Variants in AARS1 observed in about 807,000 individuals in gnomAD.
AARS1 encodes the protein alanyl-tRNA synthetase 1, also known as alanine--tRNA ligase, cytoplasmic.
A neutral mutation model predicts 108.9 loss-of-function variants in AARS1; 72 were observed. The observed-to-expected ratio is 0.66, with a 90% CI of 0.55 to 0.80. The LOEUF is 0.80. AARS1 is among the 30% of genes least tolerant of loss of function. The probability of loss-of-function intolerance (pLI) is 0.00; values close to 1 mark genes in which losing one functional copy is unlikely to be tolerated. For synonymous variants in AARS1, 489 were observed against 465.7 expected (o/e 1.05, Z -0.64); for missense variants, 1,193 against 1,233.2 (o/e 0.97, Z 0.49).
intron 20 of AARS1, 51 bp from the exon 21 acceptor site, chr16:70,252,957 GA>G: frequency 6.3e-7 from 1 of 1,578,670 alleles, no homozygotes; most frequent in Non-Finnish European, 8.7e-7. Context: ...GGGATTGAGG[GA>G]GGAATGCAGG....
chr16:70,269,004 C>T (rs1183656304), intron 7 of AARS1, among the ~76,000 whole-genome samples: 1 of 151,710 alleles, frequency 6.6e-6, no homozygotes, highest in Admixed American at 6.6e-5. Context: ...GTCAGGAGTT[C>T]GAGACCAGCC....
intron 2 of AARS1, among the ~76,000 whole-genome samples, chr16:70,280,568 T>G (rs1960672093): frequency 6.6e-6 from 1 of 152,140 alleles, no homozygotes; most frequent in African/African-American, 2.4e-5. Flanking sequence ...AAAGAAAATG[T>G]CAACTCATCC....
chr16:70,275,809 C>G (rs954165252), intron 4 of AARS1, among the ~76,000 whole-genome samples: 3 of 151,134 alleles, frequency 2.0e-5, no homozygotes, highest in South Asian at 4.2e-4. Flanking sequence ...TGGTGGCAGG[C>G]ATCTGCAGTC....
Position 70,265,033 on chromosome 16 carries a change from G to A in AARS1, c.1417C>T (p.Leu473Phe). 24 of 1,614,176 alleles carry A rather than the reference G, an allele frequency of 1.5e-5. No homozygotes were observed. Among genetic ancestry groups the A allele is most frequent in the Non-Finnish European group, 1.9e-5 (23 of 1,180,032 alleles). ...IMLDIYAIEE[L>F]RARGLEVTDD... ...GTGACCTCCAGACCCCGTGCCCGGA[G>A]CTCTTCGATAGCGTAAATGTCCAGC... is the stretch of plus-strand genomic sequence containing the variant. Residue 473 changes from leucine (L) to phenylalanine (F), a missense_variant, in exon 11 of 21, where the codon CTC becomes TTC. By Grantham distance (22) the Leu-to-Phe change is conservative. Transcript: ENST00000261772.
At chr16:70,264,027 C>A (rs1177476281) in intron 11 of AARS1, among the ~76,000 whole-genome samples, 4 of 151,896 alleles carry the variant, frequency 2.6e-5, no homozygotes, top group Admixed American at 2.6e-4. Context: ...GCAGGCAGAT[C>A]ATGAGGTCAG....
At position 70,255,792 on chromosome 16, in the gene AARS1, G is replaced by C; in HGVS notation, c.2222C>G (p.Thr741Arg). The part of the protein sequence containing the change: ...SSHAGAFVIV[T>R]EEAIAKGIRR... The stretch of plus-strand genomic sequence containing the variant: ...GATACCCTTGGCAATGGCTTCTTCC[G>C]TCACGATCACAAAAGCTCCTGCATG... Residue 741 changes from threonine (T) to arginine (R), a missense_variant, in exon 16 of 21, where the codon ACG becomes AGG. Coordinates refer to ENST00000261772, the MANE Select transcript of AARS1 (RefSeq NM_001605.3). 2 of 1,614,150 alleles carry C rather than the reference G, an allele frequency of 1.2e-6. No homozygotes were observed. Among genetic ancestry groups the C allele is most frequent in the Non-Finnish European group, 8.5e-7 (1 of 1,180,020 alleles).
chr16:70,270,857 A>G (rs1418146343), intron 5 of AARS1, among the ~76,000 whole-genome samples: 1 of 105,326 alleles, frequency 9.5e-6, no homozygotes, highest in East Asian at 2.3e-4. Context: ...AAAAAAAAAG[A>G]AAAGAAAAAG....
chr16:70,261,860 G>A (rs1328695717), intron 12 of AARS1, among the ~76,000 whole-genome samples: 2 of 151,730 alleles, frequency 1.3e-5, no homozygotes, highest in African/African-American at 4.8e-5. Context: ...GTAGAGACAG[G>A]GTTTCACCAT....
At chr16:70,262,991 A>AAAAAAC (rs1960177290) in intron 11 of AARS1, among the ~76,000 whole-genome samples, 2 of 145,444 alleles carry the variant, frequency 1.4e-5, no homozygotes, top group African/African-American at 5.3e-5. Flanking sequence ...AAAAAAAAAA[A>AAAAAAC]AAAAAAACAA....
intron 9 of AARS1, among the ~76,000 whole-genome samples, 175 bp downstream of exon 9, chr16:70,267,484 T>A (rs1960289802): frequency 6.6e-6 from 1 of 152,234 alleles, no homozygotes. Flanking sequence ...TTGGCCACAA[T>A]GATGCATTAC....
chr16:70,262,513 T>C lies in AARS1; in HGVS notation c.1504A>G (p.Thr502Ala), dbSNP rs758003106. ...DSSGSYVFEN[T>A]VATVMALRRE... ...CGCAGAGCCATCACCGTAGCCACTG[T>C]GTTCTCAAATACTGCTCAAGGGAAA... The change falls in exon 12 of 21, where the codon ACA becomes GCA. Residue 502 changes from threonine to alanine, a missense_variant. Coordinates refer to ENST00000261772, the MANE Select transcript of AARS1 (RefSeq NM_001605.3). 5 of 1,612,840 alleles carry C rather than the reference T, an allele frequency of 3.1e-6. No homozygotes were observed. The highest frequency in any genetic ancestry group is 4.2e-6 in the Non-Finnish European group (5 of 1,179,034).
chr16:70,272,061 T>C, intron 4 of AARS1, 89 bp from the exon 5 acceptor site: 2 of 1,290,006 alleles, frequency 1.6e-6, no homozygotes, highest in South Asian at 1.2e-5. Flanking sequence ...ATTCTTAGGA[T>C]TGGCCGGGCA....
chr16:70,281,305 T>C (rs1254147591), intron 2 of AARS1, among the ~76,000 whole-genome samples: 1 of 152,082 alleles, frequency 6.6e-6, no homozygotes, highest in East Asian at 1.9e-4. Context: ...GGCAGGAGGA[T>C]TACTTGAGGC....
chr16:70,278,329 G>A (rs1240890594), intron 2 of AARS1, among the ~76,000 whole-genome samples: 3 of 151,956 alleles, frequency 2.0e-5, no homozygotes, highest in Non-Finnish European at 4.4e-5. Flanking sequence ...ACTTCAGGAG[G>A]CTGAGGTGGG....
intron 4 of AARS1, among the ~76,000 whole-genome samples, chr16:70,275,073 A>G (rs1418897402): frequency 2.0e-5 from 3 of 151,132 alleles, no homozygotes; most frequent in Non-Finnish European, 4.4e-5. Flanking sequence ...TAGCCTGGCT[A>G]ACATGGTGAA....
intron 13 of AARS1, 52 bp downstream of exon 13, chr16:70,260,992 G>A: frequency 1.4e-6 from 2 of 1,391,080 alleles, no homozygotes; most frequent in African/African-American, 1.4e-5. Context: ...AAAGCCAGAG[G>A]AGAAGATAAT....
At chr16:70,259,259 C>T (rs749210185) in intron 13 of AARS1, 73 bp from the exon 14 acceptor site, 7 of 1,462,818 alleles carry the variant, frequency 4.8e-6, no homozygotes, top group Admixed American at 1.7e-5. Flanking sequence ...TCTGCTCCCC[C>T]GAGTGCTACA....
chr16:70,271,329 G>C (rs111756183), intron 5 of AARS1, among the ~76,000 whole-genome samples: 1 of 151,986 alleles, frequency 6.6e-6, no homozygotes, highest in South Asian at 2.1e-4. Flanking sequence ...GGGAGTTCGA[G>C]ACCAGCCTGA....
intron 1 of AARS1, among the ~76,000 whole-genome samples, chr16:70,283,447 C>A (rs1391255488): frequency 1.3e-5 from 2 of 151,362 alleles, no homozygotes; most frequent in East Asian, 3.9e-4. Context: ...GGGAGAAAAA[C>A]CCTCAGTTTA....
Sources: allele counts gnomAD v4.1 joint callset (sites outside exome capture counted in the v4.1 genomes callset), GRCh38; gene constraint gnomAD v4.1.1; transcripts MANE v1.5; gene names NCBI Gene and HGNC (gene_info 2026-07-23, HGNC 2026-07-21).